The following SLC9A5 variants were observed in gnomAD, a reference collection of about 807,000 sequenced individuals.
The protein encoded by SLC9A5 is sodium/hydrogen exchanger 5.
Under a neutral mutation model 91.7 loss-of-function variants are expected in SLC9A5, and 52 were observed. The observed-to-expected ratio is 0.57, with a 90% confidence interval of 0.45 to 0.71. SLC9A5 has a LOEUF of 0.71. Among genes scored for constraint, SLC9A5 ranks in the 30% least tolerant of loss-of-function variants. The pLI is 0.00. For missense variants in SLC9A5, 871 were observed against 1,158.9 expected (o/e 0.75, Z 3.61); for synonymous variants, 419 against 474.5 (o/e 0.88, Z 1.52).
At chr16:67,251,376 T>C (rs1164080374) in intron 1 of SLC9A5, among the ~76,000 whole-genome samples, 1 of 150,970 alleles carries the variant, frequency 6.6e-6, no homozygotes, top group Admixed American at 6.6e-5. Flanking sequence ...TGTAAAGTAG[T>C]GTGCTAAGTG....
At position 67,259,671 on chromosome 16, in the gene SLC9A5, T is replaced by C; in HGVS notation, c.1715+10T>C. ...CTGTCACCAACCTGCTGTGAGTCCT[T>C]GAGCCCCTTCCCCTTCCTCATACTC... On this transcript the variant is annotated intron_variant, in intron 11 of 15. Coordinates refer to ENST00000299798, the MANE Select transcript of SLC9A5 (RefSeq NM_004594.3). 2 of 1,613,292 alleles carry C rather than the reference T, an allele frequency of 1.2e-6. No homozygotes were observed. Among genetic ancestry groups the C allele is most frequent in the Non-Finnish European group, 1.7e-6 (2 of 1,179,294 alleles).
At chr16:67,262,153 A>G (rs1344560369) in intron 12 of SLC9A5, 1 of 389,584 alleles carries the variant, frequency 2.6e-6, no homozygotes, top group African/African-American at 2.1e-5. Context: ...TATCATCTGA[A>G]AATTTGTTAA....
intron 12 of SLC9A5, chr16:67,261,644 G>A (rs2035533268): frequency 6.6e-6 from 1 of 151,928 alleles, no homozygotes; most frequent in Non-Finnish European, 1.5e-5. Context: ...TTAGCATTTG[G>A]GAAATATGTC....
rs779838256 is a variant in SLC9A5, at chr16:67,259,939, G to GC, written c.1837dup (p.Arg613ProfsTer2). On this transcript the variant is annotated frameshift_variant, in exon 12 of 16. Coordinates refer to ENST00000299798, the MANE Select transcript of SLC9A5 (RefSeq NM_004594.3). LOFTEE classifies it high-confidence loss of function. ...CTCTGCGGAGGCCTCTACAAGCCGCGCCGTAGGGTGAGAGCAGGCAGGCAT... is the reference window on the plus strand; with the variant it reads ...CTCTGCGGAGGCCTCTACAAGCCGCGCCCGTAGGGTGAGAGCAGGCAGGCAT... The GC allele has an allele frequency of 1.5e-5, 25 of 1,613,858 alleles. No individual in the cohort carries two copies. Among genetic ancestry groups the GC allele is most frequent in the Non-Finnish European group, 2.0e-5 (24 of 1,179,926 alleles).
In SLC9A5 at chr16:67,255,627, G is replaced by C. The variant is rs184808868; in HGVS notation, c.734-126G>C. 2.8e-4 allele frequency: 376 copies of C among 1,320,864 alleles called. No individual in the cohort carries two copies. Among genetic ancestry groups the C allele is most frequent in the Admixed American group, 6.9e-4 (35 of 50,774 alleles). 81.8% of individuals were successfully genotyped at this position (1,320,864 alleles called of 1,614,324 possible). On this transcript the variant is annotated intron_variant, in intron 4 of 15. Transcript: ENST00000299798. This position sits in a 1 kb window ranked among gnomAD's most constrained non-coding sequence, Gnocchi z 4.9. The stretch of plus-strand genomic sequence containing the variant: ...TGGGAGGGGCTTGCCAGGGATCCTG[G>C]CTCTGGGGTTTTGAGCCCCTGGGAG...
chr16:67,255,610 G>C lies in SLC9A5; in HGVS notation c.733+139G>C. The C allele has an allele frequency of 7.8e-7, 1 of 1,285,580 alleles. No individual in the cohort carries two copies. Among genetic ancestry groups the C allele is most frequent in the Non-Finnish European group, 1.1e-6 (1 of 910,264 alleles). 79.6% of individuals were successfully genotyped at this position (1,285,580 alleles called of 1,614,324 possible). ...TATAGAGAAATGGGGTCTGGGAGGG[G>C]CTTGCCAGGGATCCTGGCTCTGGGG... On this transcript the variant is annotated intron_variant, in intron 4 of 15. Transcript: ENST00000299798. This position sits in a 1 kb window ranked among gnomAD's most constrained non-coding sequence, Gnocchi z 4.9.
rs1361811155 is a variant in SLC9A5, at chr16:67,271,597, C to G, written c.*387C>G. On this transcript the variant is annotated 3_prime_UTR_variant, in exon 16 of 16. Coordinates refer to ENST00000299798, the MANE Select transcript of SLC9A5 (RefSeq NM_004594.3). ...ATTCCTATTCTTCAGTGGATGCCAG[C>G]CTTCCCTGCCCCAACTCCCTCCCCA... 4.6e-6 allele frequency: 1 copy of G among 216,428 alleles called. No homozygotes were observed. Among genetic ancestry groups the G allele is most frequent in the African/African-American group, 2.3e-5 (1 of 44,254 alleles). 13.4% of individuals were successfully genotyped at this position (216,428 alleles called of 1,614,324 possible).
In SLC9A5 at chr16:67,256,676, C is replaced by T; in HGVS notation, c.1119C>T (p.Phe373=). Residue 373 remains phenylalanine, a synonymous_variant, in exon 6 of 16, where the codon TTC becomes TTT. Transcript: ENST00000299798. The surrounding 1 kb of genome is among the most constrained non-coding windows in gnomAD (Gnocchi z 4.1). ...TGGGCACCCTCATCTTCATCCTGTT[C>T]TTCCGAGCCCTCGGTATTGCTGGCA... is the stretch of plus-strand genomic sequence containing the variant. ...LVLGTLIFIL[F]FRALGVVLQT... is the part of the protein sequence containing the mutation. 6.2e-7 allele frequency: 1 copy of T among 1,612,616 alleles called. No homozygotes were observed. The highest frequency in any genetic ancestry group is 1.1e-5 in the South Asian group (1 of 91,042).
intron 15 of SLC9A5, among the ~76,000 whole-genome samples, chr16:67,268,691 TATATATATATATA>T (rs2035815093): frequency 3.7e-5 from 3 of 80,778 alleles, no homozygotes; most frequent in African/African-American, 2.3e-4. Flanking sequence ...TATATATATA[TATATATATATATA>T]TATATATTTT....
At position 67,265,086 on chromosome 16, in the gene SLC9A5, G is replaced by A. The variant is rs1037209784; in HGVS notation, c.2060G>A (p.Gly687Asp). 1.2e-6 allele frequency: 2 copies of A among 1,614,124 alleles called. No homozygotes were observed. ...NAEATNGKHRGLGFQDTAAVI... is the reference protein window; with the variant it reads ...NAEATNGKHRDLGFQDTAAVI... ...GAGGCTACAAATGGGAAACATCGAG[G>A]CCTGGGCTTTCAGGACACAGGCAAG... Residue 687 changes from glycine (G) to aspartate (D), a missense_variant, in exon 14 of 16, where the codon GGC (glycine) becomes GAC (aspartate). Physicochemically the swap from Gly to Asp is moderately conservative, Grantham distance 94. Coordinates refer to ENST00000299798, the MANE Select transcript of SLC9A5 (RefSeq NM_004594.3).
chr16:67,255,284 G>T lies in SLC9A5; in HGVS notation c.654+100G>T. On this transcript the variant is annotated intron_variant, in intron 3 of 15. Coordinates refer to ENST00000299798, the MANE Select transcript of SLC9A5 (RefSeq NM_004594.3). The surrounding 1 kb of genome is among the most constrained non-coding windows in gnomAD (Gnocchi z 4.9). Reference sequence around the variant, plus strand: ...TCAGTCCCTTCCCTTGGGTCCCCTGGGGCAGAAATATGCTGTCTGCTTTCA... The same window carrying T: ...TCAGTCCCTTCCCTTGGGTCCCCTGTGGCAGAAATATGCTGTCTGCTTTCA... 2 of 1,532,654 alleles carry T rather than the reference G, an allele frequency of 1.3e-6. No individual in the cohort carries two copies. The highest frequency in any genetic ancestry group is 1.8e-6 in the Non-Finnish European group (2 of 1,120,170). The allele number at this position is 1,532,654 out of a possible 1,614,324, so 94.9% of individuals were successfully genotyped here. A position where few individuals can be genotyped will look rare whatever the true frequency, so the allele number is the denominator to read the frequency against.
At chr16:67,249,330 A>C in intron 1 of SLC9A5, 129 bp downstream of exon 1, 1 of 696,434 alleles carries the variant, frequency 1.4e-6, no homozygotes, top group Non-Finnish European at 2.1e-6. Context: ...TGGATTCCAC[A>C]AATCCGGGCT....
At chr16:67,250,209 C>T (rs1023810412) in intron 1 of SLC9A5, among the ~76,000 whole-genome samples, 3 of 152,204 alleles carry the variant, frequency 2.0e-5, no homozygotes, top group African/African-American at 7.2e-5. Flanking sequence ...GAACAGAACT[C>T]TCCACTCTGC....
In SLC9A5 at chr16:67,257,469, C is replaced by T. The variant is rs2035361497; in HGVS notation, c.1425+35C>T. The T allele has an allele frequency of 6.2e-7, 1 of 1,613,428 alleles. No homozygotes were observed. Among genetic ancestry groups the T allele is most frequent in the African/African-American group, 1.3e-5 (1 of 74,924 alleles). On this transcript the variant is annotated intron_variant, in intron 8 of 15. Coordinates refer to ENST00000299798, the MANE Select transcript of SLC9A5 (RefSeq NM_004594.3). This position sits in a 1 kb window ranked among gnomAD's most constrained non-coding sequence, Gnocchi z 5.1. The stretch of plus-strand genomic sequence containing the variant: ...AGAACCCCAGCCCTCGCCTGTCCCT[C>T]TCGACCTTCTCCTATTTTGGGCAGA...
At chr16:67,260,529 G>T (rs1278996933) in intron 12 of SLC9A5, among the ~76,000 whole-genome samples, 1 of 152,152 alleles carries the variant, frequency 6.6e-6, no homozygotes, top group Non-Finnish European at 1.5e-5. Flanking sequence ...GAGAAGCTGG[G>T]ACAGCCAGTT....
In SLC9A5 at chr16:67,259,661, T is replaced by C. The variant is rs775417861; in HGVS notation, c.1715T>C (p.Leu572Pro). 1 of 1,613,884 alleles carries C rather than the reference T, an allele frequency of 6.2e-7. No individual in the cohort carries two copies. The highest frequency in any genetic ancestry group is 8.5e-7 in the Non-Finnish European group (1 of 1,179,764). The change falls in exon 11 of 16, where the codon CTG (leucine) becomes CCG (proline). Residue 572 changes from leucine (L) to proline (P), a missense_variant and splice_region_variant. Physicochemically the swap from Leu to Pro is moderately conservative, Grantham distance 98. Coordinates refer to ENST00000299798, the MANE Select transcript of SLC9A5 (RefSeq NM_004594.3). ...GCAGAAACTTCTGTCACCAACCTGC[T>C]GTGAGTCCTTGAGCCCCTTCCCCTT... ...SVAETSVTNLLRESGSGACLD... is the reference protein window; with the variant it reads ...SVAETSVTNLPRESGSGACLD...
chr16:67,264,890 G>T, intron 13 of SLC9A5, 150 bp from the exon 14 acceptor site: 1 of 757,500 alleles, frequency 1.3e-6, no homozygotes, highest in Non-Finnish European at 2.2e-6. Context: ...ACTCTTGCCT[G>T]GTTGGCCAAG....
At chr16:67,262,280 C>A (rs1348395646) in intron 12 of SLC9A5, 1 of 457,408 alleles carries the variant, frequency 2.2e-6, no homozygotes, top group Admixed American at 2.3e-5. Flanking sequence ...ATGGATCAAG[C>A]ATTTTTGGGG....
chr16:67,257,420 G>A lies in SLC9A5; in HGVS notation c.1411G>A (p.Glu471Lys). The A allele has an allele frequency of 1.9e-6, 3 of 1,614,174 alleles. No individual in the cohort carries two copies. The highest frequency in any genetic ancestry group is 2.5e-6 in the Non-Finnish European group (3 of 1,179,984). ...GCATCACAAACCCACCCTGAACCAG[G>A]AGCTGCATGAACACGTGGGTATCAG... ...SEHHKPTLNQELHEHTFDHIL... is the reference protein window; with the variant it reads ...SEHHKPTLNQKLHEHTFDHIL... The change falls in exon 8 of 16, where the codon GAG becomes AAG. Residue 471 changes from glutamate (E) to lysine (K), a missense_variant. Physicochemically the swap from Glu to Lys is moderately conservative, Grantham distance 56 (BLOSUM62 1). Around this residue, in one of 3 missense-constraint regions of SLC9A5, gnomAD observed 454 missense variants for 718.3 expected, o/e 0.63. Transcript: ENST00000299798. This position sits in a 1 kb window ranked among gnomAD's most constrained non-coding sequence, Gnocchi z 5.1.
Sources: allele counts gnomAD v4.1 joint callset (sites outside exome capture counted in the v4.1 genomes callset), GRCh38; gene constraint gnomAD v4.1.1; regional missense constraint gnomAD v4.1.1; non-coding constraint Gnocchi (gnomAD v3.1); transcripts MANE v1.5; gene names NCBI Gene and HGNC (gene_info 2026-07-23, HGNC 2026-07-21).